The following PTPRR variants were observed in gnomAD, a reference collection of about 807,000 sequenced individuals.
The protein encoded by PTPRR is receptor-type tyrosine-protein phosphatase R.
Under a neutral mutation model 77.2 loss-of-function variants are expected in PTPRR, and 38 were observed. The observed-to-expected ratio is 0.49, with a 90% CI of 0.38 to 0.65. The LOEUF is 0.65. PTPRR is among the 30% of genes least tolerant of loss of function. The pLI is 0.00. For synonymous variants in PTPRR, 299 were observed against 283.1 expected (o/e 1.06, Z -0.57); for missense variants, 744 against 799.2 (o/e 0.93, Z 0.83).
Position 70,759,639 on chromosome 12 carries a change from C to G in PTPRR, c.627+1832G>C, listed in dbSNP as rs536147434. Among the ~76,000 whole-genome samples, 5 of 134,484 alleles carry G rather than the reference C, an allele frequency of 3.7e-5. 1 individual carries two copies. The South Asian group carries it at 1.2e-3, about 33-fold the overall frequency. 88.2% of individuals were successfully genotyped at this position (134,484 alleles called of 152,430 possible). The stretch of plus-strand genomic sequence containing the variant: ...GAGCTTGCAGTGAGCCGAGATGCAC[C>G]ACTGCACTCCAGCCTGGGAGACAGA... On this transcript the variant is annotated intron_variant, in intron 4 of 13. Transcript: ENST00000283228.
intron 6 of PTPRR, among the ~76,000 whole-genome samples, chr12:70,712,334 G>T (rs1888855860): frequency 6.6e-6 from 1 of 151,880 alleles, no homozygotes; most frequent in Non-Finnish European, 1.5e-5. Flanking sequence ...GTACATGGAT[G>T]AATGCCTAAA....
intron 2 of PTPRR, among the ~76,000 whole-genome samples, chr12:70,800,266 C>CTTTTTTTTTTTTTTTT (rs754416357): frequency 6.9e-6 from 1 of 144,746 alleles, no homozygotes; most frequent in African/African-American, 2.5e-5. Flanking sequence ...ACTGTTCTCT[C>CTTTTTTTTTTTTTTTT]TCTTTTTTTT....
intron 2 of PTPRR, among the ~76,000 whole-genome samples, chr12:70,847,372 C>A (rs1892503298): frequency 1.3e-5 from 2 of 152,034 alleles, no homozygotes; most frequent in South Asian, 4.1e-4. Context: ...TCCAACATAT[C>A]CTCTCTAAAA....
At chr12:70,684,941 T>C (rs1887804802) in intron 8 of PTPRR, 158 bp from the exon 9 acceptor site, 2 of 506,042 alleles carry the variant, frequency 4.0e-6, no homozygotes, top group South Asian at 3.1e-5. Flanking sequence ...CATATGTTTA[T>C]TGAGGGACAT....
intron 2 of PTPRR, among the ~76,000 whole-genome samples, chr12:70,869,363 T>C (rs759457534): frequency 6.6e-6 from 1 of 152,046 alleles, no homozygotes; most frequent in Non-Finnish European, 1.5e-5. Flanking sequence ...CAGTCTTGCT[T>C]TGAGGAGACT....
intron 2 of PTPRR, among the ~76,000 whole-genome samples, chr12:70,859,866 T>TAA (rs1485222622): frequency 6.6e-6 from 1 of 152,104 alleles, no homozygotes; most frequent in Non-Finnish European, 1.5e-5. Context: ...ATTACAGTGA[T>TAA]AACCACAAAC....
chr12:70,829,934 C>G (rs1022124118), intron 2 of PTPRR, among the ~76,000 whole-genome samples: 4 of 152,118 alleles, frequency 2.6e-5, no homozygotes, highest in Non-Finnish European at 1.5e-5. Context: ...TGTTACTCTT[C>G]CTGTTTTACC....
chr12:70,703,482 G>A (rs978005135), intron 6 of PTPRR, among the ~76,000 whole-genome samples: 1 of 152,110 alleles, frequency 6.6e-6, no homozygotes, highest in Non-Finnish European at 1.5e-5. Flanking sequence ...CTTCTGAGTA[G>A]GAGGCAAATA....
chr12:70,639,193 AGT>A lies in PTPRR; in HGVS notation c.1963_1964del (p.Thr655CysfsTer6). 6.2e-7 allele frequency: 1 copy of A among 1,612,912 alleles called. No homozygotes were observed. Among genetic ancestry groups the A allele is most frequent in the Non-Finnish European group, 8.5e-7 (1 of 1,179,680 alleles). On this transcript the variant is annotated frameshift_variant, in exon 14 of 14. Coordinates refer to ENST00000283228, the MANE Select transcript of PTPRR (RefSeq NM_002849.4). LOFTEE classifies it high-confidence loss of function. ...ACAAGTCTTCAATGACTCACTGGAC[AGT>A]CTCTGCTGAAAGTCTGCTCTCATAC... ...CLYESRLSAETVQ is the reference protein window; with the variant it reads ...CLYESRLSAEXVQ
intron 10 of PTPRR, among the ~76,000 whole-genome samples, chr12:70,678,998 G>C (rs958681101): frequency 1.3e-5 from 2 of 152,110 alleles, no homozygotes; most frequent in African/African-American, 4.8e-5. Context: ...TGTTTTTCTA[G>C]TTCCTTGAGG....
At chr12:70,794,328 G>T (rs1423467889) in intron 2 of PTPRR, among the ~76,000 whole-genome samples, 1 of 152,184 alleles carries the variant, frequency 6.6e-6, no homozygotes, top group Non-Finnish European at 1.5e-5. Flanking sequence ...TAACCAGAAG[G>T]CCTATGAGCT....
At chr12:70,808,654 A>C (rs1210336870) in intron 2 of PTPRR, among the ~76,000 whole-genome samples, 5 of 152,178 alleles carry the variant, frequency 3.3e-5, no homozygotes, top group Admixed American at 2.6e-4. Context: ...AAAGCAATAA[A>C]GGTCCTCTAT....
At chr12:70,758,754 C>A (rs1450835363) in intron 4 of PTPRR, among the ~76,000 whole-genome samples, 1 of 152,106 alleles carries the variant, frequency 6.6e-6, no homozygotes, top group African/African-American at 2.4e-5. Flanking sequence ...CTCCAAGGCA[C>A]CCATGGCACA....
chr12:70,650,753 A>G (rs1315065162), intron 13 of PTPRR, among the ~76,000 whole-genome samples: 1 of 152,222 alleles, frequency 6.6e-6, no homozygotes, highest in East Asian at 1.9e-4. Context: ...GTTCCACAGA[A>G]CACAGGATGC....
chr12:70,888,226 C>T lies in PTPRR; in HGVS notation c.357+4453G>A, dbSNP rs191945736. 1.9e-4 allele frequency among the ~76,000 whole-genome samples: 29 copies of T among 152,174 alleles called. No homozygotes were observed. In the East Asian group the frequency reaches 2.1e-3, roughly 11 times the overall value. On this transcript the variant is annotated intron_variant, in intron 2 of 13. Transcript: ENST00000283228. ...TGTAACAATTATATGAGATAATACTCGCATAGTTCTTAGCATACTATCAAT... is the reference window on the plus strand; with the variant it reads ...TGTAACAATTATATGAGATAATACTTGCATAGTTCTTAGCATACTATCAAT...
At chr12:70,815,014 C>G (rs1300407657) in intron 2 of PTPRR, among the ~76,000 whole-genome samples, 1 of 150,474 alleles carries the variant, frequency 6.6e-6, no homozygotes, top group Non-Finnish European at 1.5e-5. Flanking sequence ...GAAAACAGAC[C>G]AGAAATGATA....
chr12:70,846,735 C>T (rs543900205), intron 2 of PTPRR, among the ~76,000 whole-genome samples: 23 of 152,220 alleles, frequency 1.5e-4, no homozygotes, highest in Middle Eastern at 3.4e-3. Flanking sequence ...CCTCACCAGA[C>T]GCCAAATCTG....
intron 11 of PTPRR, among the ~76,000 whole-genome samples, chr12:70,661,381 A>C (rs1254560646): frequency 1.3e-5 from 2 of 152,110 alleles, no homozygotes; most frequent in Non-Finnish European, 2.9e-5. Context: ...ATATATATTT[A>C]TAATTTATTA....
At position 70,817,797 on chromosome 12, in the gene PTPRR, CAT is replaced by C. The variant is rs573100894; in HGVS notation, c.358-53021_358-53020del. ...TGATACAGACCCACAAGCACATGCA[CAT>C]ATAACTTAAGATGTCACTCAGTTTA... On this transcript the variant is annotated intron_variant, in intron 2 of 13. Coordinates refer to ENST00000283228, the MANE Select transcript of PTPRR (RefSeq NM_002849.4). Among the ~76,000 whole-genome samples the C allele has an allele frequency of 3.9e-3, 588 of 152,320 alleles. 6 individuals are homozygous for C. Among genetic ancestry groups the C allele is most frequent in the African/African-American group, 0.014 (564 of 41,576 alleles).
Sources: allele counts gnomAD v4.1 joint callset (sites outside exome capture counted in the v4.1 genomes callset), GRCh38; gene constraint gnomAD v4.1.1; transcripts MANE v1.5; gene names NCBI Gene and HGNC (gene_info 2026-07-23, HGNC 2026-07-21).